MEGF10: variants seen among roughly 807,000 people sequenced by gnomAD.
MEGF10 encodes the protein multiple EGF like domains 10, also known as multiple epidermal growth factor-like domains protein 10.
A neutral mutation model predicts 147.5 loss-of-function variants in MEGF10; 86 were observed. The ratio of observed to expected loss-of-function variants is 0.58; its 90% CI spans 0.49 to 0.70. The LOEUF (loss-of-function observed/expected upper bound fraction) is 0.70, where lower values mean the gene tolerates loss of function less well. Ranked by LOEUF, MEGF10 falls within the 30% of genes least tolerant of loss-of-function variation. The pLI is 0.00. For synonymous variants in MEGF10, 478 were observed against 525.5 expected, an observed-to-expected ratio of 0.91 and a Z score of 1.24; for missense variants, 1,329 against 1,487.3, an observed-to-expected ratio of 0.89 and a Z score of 1.75.
chr5:127,391,274 A>G (rs1227088537), intron 5 of MEGF10, among the ~76,000 whole-genome samples: 1 of 152,002 alleles, frequency 6.6e-6, no homozygotes, highest in East Asian at 1.9e-4. Flanking sequence ...CTGTAGTACT[A>G]TATAAGAGTG....
intron 5 of MEGF10, among the ~76,000 whole-genome samples, chr5:127,376,038 T>C (rs938732939): frequency 6.6e-6 from 1 of 151,940 alleles, no homozygotes; most frequent in African/African-American, 2.4e-5. Flanking sequence ...AAGAAGTAGA[T>C]TGAGGGAAAC....
chr5:127,269,735 A>G, the MEGF10 span, among the ~76,000 whole-genome samples: 2 of 152,274 alleles, frequency 1.3e-5, no homozygotes, highest in East Asian at 3.9e-4. Context: ...GGAAATACAG[A>G]AAACGCCACA....
At chr5:127,317,126 C>T (rs1760585222) in intron 1 of MEGF10, among the ~76,000 whole-genome samples, 1 of 152,164 alleles carries the variant, frequency 6.6e-6, no homozygotes, top group African/African-American at 2.4e-5. Flanking sequence ...TTGAATTTTA[C>T]CTAAAAGGCA....
intron 1 of MEGF10, among the ~76,000 whole-genome samples, chr5:127,302,528 G>A (rs1759819570): frequency 6.6e-6 from 1 of 152,120 alleles, no homozygotes; most frequent in Non-Finnish European, 1.5e-5. Context: ...TTAGGACAAT[G>A]GAAATATTCC....
At chr5:127,346,059 G>A (rs1335265633) in intron 4 of MEGF10, among the ~76,000 whole-genome samples, 1 of 152,164 alleles carries the variant, frequency 6.6e-6, no homozygotes, top group South Asian at 2.1e-4. Flanking sequence ...GCATTCCATG[G>A]TGTGTATGTA....
At chr5:127,423,938 A>G (rs1765119029) in intron 13 of MEGF10, among the ~76,000 whole-genome samples, 1 of 152,138 alleles carries the variant, frequency 6.6e-6, no homozygotes, top group Non-Finnish European at 1.5e-5. Flanking sequence ...AAATGTAAAA[A>G]AACATTGCCT....
At chr5:127,349,183 A>G (rs1363385352) in intron 4 of MEGF10, among the ~76,000 whole-genome samples, 4 of 152,186 alleles carry the variant, frequency 2.6e-5, no homozygotes, top group Non-Finnish European at 4.4e-5. Context: ...TATGAACGCT[A>G]TAGATTTTGA....
rs116775263 is a variant in MEGF10 at position 127,307,396 on chromosome 5, A to G, written c.-19+16340A>G. Reference sequence around the variant, plus strand: ...GCAGGGTTCATCACTGGCAAAAGCTATGGCAGAGCCCCAGCTTCGCCTGGG... The same window carrying G: ...GCAGGGTTCATCACTGGCAAAAGCTGTGGCAGAGCCCCAGCTTCGCCTGGG... On this transcript the variant is annotated intron_variant, in intron 1 of 24. Coordinates refer to ENST00000503335, the MANE Select transcript of MEGF10 (RefSeq NM_001256545.2). 8.2e-3 allele frequency among the ~76,000 whole-genome samples: 1,242 copies of G among 152,312 alleles called. 15 individuals are homozygous for G. Among genetic ancestry groups the G allele is most frequent in the African/African-American group, 0.028 (1,165 of 41,562 alleles).
intron 8 of MEGF10, among the ~76,000 whole-genome samples, chr5:127,404,785 G>A (rs1452178132): frequency 1.3e-5 from 2 of 151,646 alleles, no homozygotes; most frequent in Admixed American, 6.6e-5. Context: ...GCATGATCTC[G>A]GCTCACCACA....
chr5:127,282,864 T>G, the MEGF10 span, among the ~76,000 whole-genome samples: 1 of 152,198 alleles, frequency 6.6e-6, no homozygotes, highest in African/African-American at 2.4e-5. Context: ...GAATGCTCTC[T>G]CCTGTGACTT....
chr5:127,325,859 A>ATATATACATATATGTGTGTG (rs1760997863), intron 1 of MEGF10, among the ~76,000 whole-genome samples: 28 of 135,426 alleles, frequency 2.1e-4, no homozygotes, highest in African/African-American at 6.7e-4. Flanking sequence ...ATGTGTGTAT[A>ATATATACATATATGTGTGTG]TATATATATA....
In MEGF10 at chr5:127,438,496, G is replaced by T. The variant is rs1765637996; in HGVS notation, c.2162G>T (p.Gly721Val). Residue 721 changes from glycine to valine, a missense_variant, in exon 17 of 25, where the codon GGA (glycine) becomes GTA (valine). Physicochemically the swap from Gly to Val is moderately radical, Grantham distance 109 (BLOSUM62 -3). Around this residue, in one of 3 missense-constraint regions of MEGF10, gnomAD observed 980 missense variants for 1,085.9 expected, o/e 0.90. Coordinates refer to ENST00000503335, the MANE Select transcript of MEGF10 (RefSeq NM_001256545.2). ...NCIHTCNCHN[G>V]AFCSAYDGEC... Reference sequence around the variant, plus strand: ...ATCCACACGTGCAACTGCCATAATGGAGCTTTCTGCAGCGCCTACGATGGG... The same window carrying T: ...ATCCACACGTGCAACTGCCATAATGTAGCTTTCTGCAGCGCCTACGATGGG... 6.2e-7 allele frequency: 1 copy of T among 1,614,138 alleles called. No homozygotes were observed. Among genetic ancestry groups the T allele is most frequent in the East Asian group, 2.2e-5 (1 of 44,878 alleles).
At chr5:127,367,232 A>G (rs1020708413) in intron 4 of MEGF10, among the ~76,000 whole-genome samples, 1 of 152,190 alleles carries the variant, frequency 6.6e-6, no homozygotes, top group African/African-American at 2.4e-5. Context: ...AGTGAAAAAA[A>G]TGAAAGGATA....
At chr5:127,342,984 G>A (rs1175223599) in intron 4 of MEGF10, among the ~76,000 whole-genome samples, 2 of 149,542 alleles carry the variant, frequency 1.3e-5, no homozygotes, top group Non-Finnish European at 3.0e-5. Flanking sequence ...CCCCCACCCC[G>A]CCCAACAATT....
rs150415643 is a variant in MEGF10 at position 127,308,278 on chromosome 5, T to C, written c.-19+17222T>C. Among the ~76,000 whole-genome samples the C allele has an allele frequency of 7.9e-4, 121 of 152,222 alleles. 1 individual carries two copies. The highest frequency in any genetic ancestry group is 1.4e-3 in the Non-Finnish European group (95 of 68,012). On this transcript the variant is annotated intron_variant, in intron 1 of 24. Transcript: ENST00000503335. The stretch of plus-strand genomic sequence containing the variant: ...CAAATTAGGGAAATAAGAATTGAAA[T>C]TGAGAAAGACAAACTCCTTTAAAAC...
intron 4 of MEGF10, among the ~76,000 whole-genome samples, chr5:127,346,270 A>G (rs1580742126): frequency 6.6e-6 from 1 of 152,130 alleles, no homozygotes; most frequent in African/African-American, 2.4e-5. Flanking sequence ...TTAGTTCTTT[A>G]AGGAATCTCC....
chr5:127,347,437 C>A (rs1179057411), intron 4 of MEGF10, among the ~76,000 whole-genome samples: 2 of 151,992 alleles, frequency 1.3e-5, no homozygotes, highest in Non-Finnish European at 2.9e-5. Context: ...ATTCGAGAGA[C>A]TTCTGTGGTT....
At chr5:127,388,264 T>A (rs892675320) in intron 5 of MEGF10, among the ~76,000 whole-genome samples, 3 of 151,956 alleles carry the variant, frequency 2.0e-5, no homozygotes, top group African/African-American at 7.3e-5. Flanking sequence ...TCCTTCCTCC[T>A]CAGCCTCCTG....
At chr5:127,354,657 C>T (rs746720242) in intron 4 of MEGF10, among the ~76,000 whole-genome samples, 13 of 152,126 alleles carry the variant, frequency 8.5e-5, no homozygotes, top group Non-Finnish European at 1.5e-4. Context: ...AGATAGCAAC[C>T]GAGGCTCCTG....
Sources: gnomAD v4.1 joint callset for allele counts (sites outside exome capture counted in the v4.1 genomes callset) on GRCh38, gnomAD v4.1.1 for gene constraint, gnomAD v4.1.1 regional missense constraint, MANE v1.5 for transcripts, NCBI Gene and HGNC (gene_info 2026-07-23, HGNC 2026-07-21) for gene names.